The following POLR3B variants were observed in gnomAD, a reference collection of about 807,000 sequenced individuals.
The protein encoded by POLR3B is DNA-directed RNA polymerase III subunit RPC2.
A neutral mutation model predicts 147.4 loss-of-function variants in POLR3B; 96 were observed. That is an observed-to-expected ratio of 0.65 (90% confidence interval 0.55 to 0.77). The LOEUF is 0.77. POLR3B is among the 30% of genes least tolerant of loss of function. The probability of loss-of-function intolerance (pLI) is 0.00; values close to 1 mark genes in which losing one functional copy is unlikely to be tolerated. For synonymous variants in POLR3B, 461 were observed against 485.9 expected (o/e 0.95, Z 0.67); for missense variants, 1,036 against 1,413.5 (o/e 0.73, Z 4.28).
At chr12:106,358,633 T>G (rs1196463028) in intron 1 of POLR3B, among the ~76,000 whole-genome samples, 4 of 152,072 alleles carry the variant, frequency 2.6e-5, no homozygotes, top group Non-Finnish European at 5.9e-5. Context: ...TGACGTGGAA[T>G]AGGGAAGTGG....
At chr12:106,476,054 C>A (rs1432095151) in intron 23 of POLR3B, among the ~76,000 whole-genome samples, 3 of 149,782 alleles carry the variant, frequency 2.0e-5, no homozygotes, top group Admixed American at 2.0e-4. Flanking sequence ...TCTTTTAGGG[C>A]AGGCCTGGTG....
At chr12:106,415,620 A>G (rs1305285513) in intron 12 of POLR3B, among the ~76,000 whole-genome samples, 1 of 152,178 alleles carries the variant, frequency 6.6e-6, no homozygotes, top group African/African-American at 2.4e-5. Context: ...AAATTTTGCA[A>G]AGCCCAAGAC....
intron 19 of POLR3B, among the ~76,000 whole-genome samples, chr12:106,446,580 T>G (rs1251877466): frequency 6.6e-6 from 1 of 152,140 alleles, no homozygotes; most frequent in East Asian, 1.9e-4. Context: ...AAGGTTTTTT[T>G]TCTCGTTTTG....
chr12:106,365,687 C>G (rs917287893), intron 2 of POLR3B, among the ~76,000 whole-genome samples: 10 of 151,886 alleles, frequency 6.6e-5, no homozygotes, highest in Non-Finnish European at 1.5e-4. Flanking sequence ...GGTGTAACCC[C>G]GTTTCTACTA....
chr12:106,397,306 G>A (rs2036992089), intron 10 of POLR3B, among the ~76,000 whole-genome samples: 1 of 152,116 alleles, frequency 6.6e-6, no homozygotes, highest in African/African-American at 2.4e-5. Flanking sequence ...GTTATTTTAA[G>A]TAAATTTATG....
At position 106,376,629 on chromosome 12, in the gene POLR3B, C is replaced by CTTTTTTTTTTT. The variant is rs137973753; in HGVS notation, c.496+185_496+186insTTTTTTTTTTT. Among the ~76,000 whole-genome samples, 35,467 of 146,682 alleles carry CTTTTTTTTTTT rather than the reference C, an allele frequency of 0.24. 5,208 individuals carry two copies. Among genetic ancestry groups the CTTTTTTTTTTT allele is most frequent in the African/African-American group, 0.39 (15,000 of 38,654 alleles). On this transcript the variant is annotated intron_variant, in intron 7 of 27. Transcript: ENST00000228347. ...GCTACTAGTCTGTATTTCTTTCTTT[C>CTTTTTTTTTTT]TTTTTTGAGATAGTGTCTCACTCTG...
chr12:106,365,382 AGAAGTTT>A (rs2036520558), intron 2 of POLR3B, among the ~76,000 whole-genome samples: 1 of 152,150 alleles, frequency 6.6e-6, no homozygotes, highest in Non-Finnish European at 1.5e-5. Context: ...CGTAAGGTCA[AGAAGTTT>A]CTTTTTCCCC....
chr12:106,401,271 C>G (rs1417860629), intron 10 of POLR3B, among the ~76,000 whole-genome samples: 1 of 152,066 alleles, frequency 6.6e-6, no homozygotes, highest in Non-Finnish European at 1.5e-5. Context: ...AAGACTAAAC[C>G]AGGAAAAAGT....
intron 14 of POLR3B, 95 bp downstream of exon 14, chr12:106,430,568 C>A: frequency 1.1e-6 from 1 of 879,746 alleles, no homozygotes; most frequent in Non-Finnish European, 1.9e-6. Flanking sequence ...TTCCCATCTC[C>A]AGGCCATATC....
At chr12:106,358,916 G>A (rs972513566) in intron 1 of POLR3B, among the ~76,000 whole-genome samples, 12 of 152,216 alleles carry the variant, frequency 7.9e-5, no homozygotes, top group Non-Finnish European at 1.6e-4. Context: ...TGATCAGTAA[G>A]TCTATCGGAT....
At chr12:106,495,784 C>G (rs565097000) in intron 23 of POLR3B, among the ~76,000 whole-genome samples, 1 of 152,330 alleles carries the variant, frequency 6.6e-6, no homozygotes, top group African/African-American at 2.4e-5. Flanking sequence ...CTCTGTGGCA[C>G]AGGAGGGTGG....
intron 23 of POLR3B, among the ~76,000 whole-genome samples, chr12:106,477,029 T>C (rs2038181854): frequency 6.7e-6 from 1 of 148,542 alleles, no homozygotes; most frequent in African/African-American, 2.5e-5. Flanking sequence ...ATGATGGTGA[T>C]GTACAGATGG....
At chr12:106,403,908 A>T (rs1376805927) in intron 10 of POLR3B, among the ~76,000 whole-genome samples, 2 of 151,902 alleles carry the variant, frequency 1.3e-5, no homozygotes, top group African/African-American at 4.8e-5. Context: ...ACATGTATAC[A>T]TATGTAACAA....
intron 19 of POLR3B, among the ~76,000 whole-genome samples, chr12:106,453,977 A>G (rs1464678851): frequency 6.6e-6 from 1 of 151,212 alleles, no homozygotes. Context: ...TGCATAATCC[A>G]CTCTTCCTTG....
chr12:106,500,076 C>G (rs1236153444), intron 25 of POLR3B: 6 of 455,910 alleles, frequency 1.3e-5, no homozygotes, highest in African/African-American at 1.2e-4. Flanking sequence ...CTTATCTGAC[C>G]TGTCGGGCGC....
At chr12:106,364,857 C>G (rs867945705) in intron 2 of POLR3B, among the ~76,000 whole-genome samples, 1 of 152,164 alleles carries the variant, frequency 6.6e-6, no homozygotes, top group Admixed American at 6.5e-5. Flanking sequence ...AAAATGAGGC[C>G]GGGCGCGGTG....
chr12:106,376,828 G>A (rs2036687527), intron 7 of POLR3B, among the ~76,000 whole-genome samples: 1 of 151,964 alleles, frequency 6.6e-6, no homozygotes, highest in African/African-American at 2.4e-5. Flanking sequence ...ATGTCATCCT[G>A]GCTGATCTCC....
chr12:106,358,366 T>C (rs1036512165), intron 1 of POLR3B: 22 of 564,030 alleles, frequency 3.9e-5, no homozygotes, highest in Non-Finnish European at 4.9e-5. Context: ...CCAGATCGTC[T>C]GAATTCCAAG....
At chr12:106,432,601 A>T (rs2037525513) in intron 15 of POLR3B, 121 bp downstream of exon 15, 3 of 840,348 alleles carry the variant, frequency 3.6e-6, no homozygotes, top group Non-Finnish European at 6.2e-6. Flanking sequence ...GTTGACCTTC[A>T]CTTAAAGGTA....
Sources: gnomAD v4.1 joint callset for allele counts (sites outside exome capture counted in the v4.1 genomes callset) on GRCh38, gnomAD v4.1.1 for gene constraint, MANE v1.5 for transcripts, NCBI Gene and HGNC (gene_info 2026-07-23, HGNC 2026-07-21) for gene names.